The following CDK8 variants were observed in gnomAD, a reference collection of about 807,000 sequenced individuals.
The protein encoded by CDK8 is cyclin-dependent kinase 8.
A neutral mutation model predicts 71.5 loss-of-function variants in CDK8; 29 were observed. That is an observed-to-expected ratio of 0.41 (90% CI 0.30 to 0.55). The LOEUF (loss-of-function observed/expected upper bound fraction) is 0.55. Among genes scored for constraint, CDK8 ranks in the 20% least tolerant of loss-of-function variants. The pLI is 0.37. For synonymous variants in CDK8, 161 were observed against 192.1 expected (o/e 0.84, Z 1.34); for missense variants, 288 against 572.6 (o/e 0.50, Z 5.07).
chr13:26,325,888 C>T (rs962790449), intron 1 of CDK8, among the ~76,000 whole-genome samples: 1 of 152,062 alleles, frequency 6.6e-6, no homozygotes, highest in African/African-American at 2.4e-5. Flanking sequence ...ATTAAGACAA[C>T]CTCATCTGTT....
intron 1 of CDK8, among the ~76,000 whole-genome samples, chr13:26,268,730 A>C (rs1266825052): frequency 4.6e-5 from 7 of 152,074 alleles, no homozygotes. Context: ...ATCTTATTTT[A>C]TGTTTACTTT....
intron 1 of CDK8, among the ~76,000 whole-genome samples, chr13:26,300,248 T>C (rs1455113950): frequency 6.6e-6 from 1 of 152,116 alleles, no homozygotes; most frequent in African/African-American, 2.4e-5. Context: ...ACCATGAACT[T>C]CATATAAACT....
chr13:26,346,391 G>A (rs1014624108), intron 2 of CDK8, among the ~76,000 whole-genome samples: 5 of 152,132 alleles, frequency 3.3e-5, no homozygotes, highest in Non-Finnish European at 7.4e-5. Context: ...TTAAATGTAG[G>A]TTTCTAATAA....
chr13:26,271,825 TTTTTTTTTTTTTTTTTTA>T, intron 1 of CDK8, among the ~76,000 whole-genome samples: 1 of 120,330 alleles, frequency 8.3e-6, no homozygotes, highest in Non-Finnish European at 1.8e-5. Flanking sequence ...TTTTTTTTTT[TTTTTTTTTTTTTTTTTTA>T]AGAGAGAGAC....
chr13:26,303,783 T>C (rs1356510166), intron 1 of CDK8, among the ~76,000 whole-genome samples: 2 of 152,236 alleles, frequency 1.3e-5, no homozygotes, highest in Non-Finnish European at 2.9e-5. Flanking sequence ...CTGCAGTTAC[T>C]GAGTAATTTT....
intron 1 of CDK8, among the ~76,000 whole-genome samples, chr13:26,273,347 T>C (rs1045552792): frequency 1.1e-4 from 16 of 152,196 alleles, no homozygotes. Flanking sequence ...TGTTTTGACT[T>C]TTTTGTAGTT....
intron 1 of CDK8, among the ~76,000 whole-genome samples, chr13:26,295,284 G>A (rs144055047): frequency 7.6e-4 from 115 of 152,132 alleles, no homozygotes; most frequent in African/African-American, 1.9e-3. Flanking sequence ...TTTGGTATGT[G>A]TAGATTTTTT....
At chr13:26,376,954 A>T (rs971467266) in intron 4 of CDK8, among the ~76,000 whole-genome samples, 1 of 152,252 alleles carries the variant, frequency 6.6e-6, no homozygotes, top group Non-Finnish European at 1.5e-5. Flanking sequence ...AGGTAGGGTT[A>T]GTAGAATGGA....
chr13:26,370,644 T>C (rs1874622455), intron 4 of CDK8, among the ~76,000 whole-genome samples: 1 of 152,160 alleles, frequency 6.6e-6, no homozygotes, highest in Non-Finnish European at 1.5e-5. Flanking sequence ...CGATACAGGA[T>C]TGATTAAAAC....
At chr13:26,286,204 G>A (rs985665997) in intron 1 of CDK8, among the ~76,000 whole-genome samples, 1 of 152,110 alleles carries the variant, frequency 6.6e-6, no homozygotes, top group African/African-American at 2.4e-5. Context: ...CATAGCCAAA[G>A]CAAGACTAAG....
chr13:26,302,584 T>C (rs1873871847), intron 1 of CDK8, among the ~76,000 whole-genome samples: 1 of 152,212 alleles, frequency 6.6e-6, no homozygotes, highest in African/African-American at 2.4e-5. Context: ...TCTTTCATCA[T>C]GTGTGATTGT....
chr13:26,326,146 A>G (rs546798338), intron 1 of CDK8, among the ~76,000 whole-genome samples: 2 of 152,320 alleles, frequency 1.3e-5, no homozygotes, highest in South Asian at 4.1e-4. Context: ...TCATAGGGGT[A>G]TCTGTCCTGT....
chr13:26,333,604 T>C lies in CDK8; in HGVS notation c.129-3963T>C, dbSNP rs549147338. Among the ~76,000 whole-genome samples, 3 of 152,338 alleles carry C rather than the reference T, an allele frequency of 2.0e-5. No homozygotes were observed. In the East Asian group the frequency reaches 5.8e-4, roughly 29 times the overall value. ...ACTTTTGCTTTCTGATGGTTCATTG[T>C]ACACAAACTTTGTTTTATGCACATA... On this transcript the variant is annotated intron_variant, in intron 1 of 12. Transcript: ENST00000381527.
chr13:26,256,422 A>G (rs1775795829), intron 1 of CDK8, among the ~76,000 whole-genome samples: 2 of 152,340 alleles, frequency 1.3e-5, no homozygotes, highest in African/African-American at 4.8e-5. Flanking sequence ...GAGATTAGAC[A>G]TTACAGTACA....
intron 10 of CDK8, among the ~76,000 whole-genome samples, chr13:26,400,831 A>C (rs189485214): frequency 6.6e-6 from 1 of 152,146 alleles, no homozygotes; most frequent in Non-Finnish European, 1.5e-5. Flanking sequence ...GTAGCTCCTT[A>C]CTGTCTGCAG....
chr13:26,332,934 A>G (rs1045915780), intron 1 of CDK8, among the ~76,000 whole-genome samples: 3 of 152,114 alleles, frequency 2.0e-5, no homozygotes, highest in Non-Finnish European at 4.4e-5. Context: ...CAGAAATCCA[A>G]AATGCTACAC....
intron 1 of CDK8, among the ~76,000 whole-genome samples, chr13:26,329,469 G>GTTTTTTTTTTTTTTTTTTTTTTTTTT (rs35796023): frequency 1.7e-4 from 12 of 71,544 alleles, no homozygotes; most frequent in African/African-American, 3.6e-4. Context: ...GCCTATTTCT[G>GTTTTTTTTTTTTTTTTTTTTTTTTTT]TTTTTTTTTT....
intron 1 of CDK8, among the ~76,000 whole-genome samples, chr13:26,301,550 T>G (rs2137916754): frequency 6.6e-6 from 1 of 152,330 alleles, no homozygotes; most frequent in South Asian, 2.1e-4. Flanking sequence ...TGCCATCATC[T>G]GAGTAGTTTG....
intron 4 of CDK8, among the ~76,000 whole-genome samples, chr13:26,380,306 A>G (rs186000037): frequency 6.6e-6 from 1 of 151,856 alleles, no homozygotes; most frequent in Non-Finnish European, 1.5e-5. Context: ...CAGCCTCCTG[A>G]GTAGCTGGGA....
Sources: gnomAD v4.1 joint callset for allele counts (sites outside exome capture counted in the v4.1 genomes callset) on GRCh38, gnomAD v4.1.1 for gene constraint, MANE v1.5 for transcripts, NCBI Gene and HGNC (gene_info 2026-07-23, HGNC 2026-07-21) for gene names.